AXDND1: variants seen among roughly 807,000 people sequenced by gnomAD.
AXDND1 encodes the protein axonemal dynein light chain domain-containing protein 1.
A neutral mutation model predicts 137.5 loss-of-function variants in AXDND1; 110 were observed. The ratio of observed to expected loss-of-function variants is 0.80; its 90% CI spans 0.69 to 0.94. AXDND1 has a LOEUF of 0.94. Among genes scored for constraint, AXDND1 ranks in the 40% least tolerant of loss-of-function variants. The probability of loss-of-function intolerance (pLI) is 0.00; values close to 1 mark genes in which losing one functional copy is unlikely to be tolerated. For missense variants in AXDND1, 1,191 were observed against 1,169.8 expected, an observed-to-expected ratio of 1.02 and a Z score of -0.26; for synonymous variants, 414 against 399.7, an observed-to-expected ratio of 1.04 and a Z score of -0.43.
Position 179,401,435 on chromosome 1 carries a change from C to T in AXDND1, c.1109+6233C>T, listed in dbSNP as rs191969392. 2.0e-3 allele frequency among the ~76,000 whole-genome samples: 310 copies of T among 152,260 alleles called. 1 individual carries two copies. Among genetic ancestry groups the T allele is most frequent in the South Asian group, 2.7e-3 (13 of 4,826 alleles). On this transcript the variant is annotated intron_variant, in intron 11 of 25. Coordinates refer to ENST00000367618, the MANE Select transcript of AXDND1 (RefSeq NM_144696.6). ...ATCTTGTTTTATATCTCTTTTAATA[C>T]AGCCTATTCCTGTGCTTTCTAAAAA...
intron 15 of AXDND1, among the ~76,000 whole-genome samples, chr1:179,435,492 C>T (rs12071134): frequency 0.12 from 17,579 of 152,046 alleles, 1,214 homozygotes; most frequent in East Asian, 0.35. Context: ...CCAAAACAGA[C>T]ATATAGACCA....
At chr1:179,484,681 C>A (rs1665822451) in intron 18 of AXDND1, among the ~76,000 whole-genome samples, 1 of 152,178 alleles carries the variant, frequency 6.6e-6, no homozygotes, top group South Asian at 2.1e-4. Flanking sequence ...CACCCATGAC[C>A]ACCCCCTACA....
chr1:179,388,275 ATAT>A (rs1376056945), intron 9 of AXDND1, among the ~76,000 whole-genome samples: 2 of 151,886 alleles, frequency 1.3e-5, no homozygotes, highest in Non-Finnish European at 2.9e-5. Context: ...ATTTCTTTTT[ATAT>A]TTCCTGTACC....
intron 17 of AXDND1, among the ~76,000 whole-genome samples, chr1:179,471,619 T>C (rs1230817927): frequency 3.9e-5 from 6 of 152,228 alleles, no homozygotes; most frequent in Non-Finnish European, 8.8e-5. Flanking sequence ...CTTAGCTAAA[T>C]GTTTGTTAAT....
intron 15 of AXDND1, 63 bp from the exon 16 acceptor site, chr1:179,444,907 G>A (rs2125366939): frequency 8.5e-7 from 1 of 1,173,796 alleles, no homozygotes; most frequent in Non-Finnish European, 1.2e-6. Flanking sequence ...TAAGCATCTG[G>A]TAGACTTTGA....
chr1:179,462,537 G>A (rs189460017), intron 16 of AXDND1, among the ~76,000 whole-genome samples: 6 of 152,240 alleles, frequency 3.9e-5, no homozygotes, highest in South Asian at 2.1e-4. Flanking sequence ...CCAGGCTTTG[G>A]TATCAGGATG....
At chr1:179,373,797 C>G (rs1273835313) in intron 4 of AXDND1, among the ~76,000 whole-genome samples, 1 of 152,072 alleles carries the variant, frequency 6.6e-6, no homozygotes, top group Non-Finnish European at 1.5e-5. Context: ...AAACTGGATC[C>G]CTTCCTTACA....
chr1:179,550,332 A>G (rs1043120056), intron 25 of AXDND1, among the ~76,000 whole-genome samples: 2 of 152,154 alleles, frequency 1.3e-5, no homozygotes, highest in Admixed American at 1.3e-4. Context: ...TCTGTATAAG[A>G]AAACAATATG....
chr1:179,491,649 G>A lies in AXDND1; in HGVS notation c.2203G>A (p.Glu735Lys), dbSNP rs754507990. Residue 735 changes from glutamate (E) to lysine (K), a missense_variant, in exon 19 of 26, where the codon GAG becomes AAG. Glu to Lys is a moderately conservative substitution (Grantham distance 56). Transcript: ENST00000367618. Reference protein sequence around the residue: ...CLLKLEEESAEKHDIGVARLE... With the variant: ...CLLKLEEESAKKHDIGVARLE... ...CCTAAAGTTGGAGGAGGAAAGTGCT[G>A]AGAAACATGATATAGGAGTTGCGCG... The A allele has an allele frequency of 2.5e-6, 4 of 1,613,776 alleles. No individual in the cohort carries two copies. In the South Asian group the frequency reaches 4.4e-5, roughly 18 times the overall value.
chr1:179,494,426 G>A (rs1667243162), intron 20 of AXDND1, among the ~76,000 whole-genome samples: 1 of 151,900 alleles, frequency 6.6e-6, no homozygotes, highest in African/African-American at 2.4e-5. Flanking sequence ...GACCCGTTTA[G>A]TATTGATTTG....
intron 11 of AXDND1, among the ~76,000 whole-genome samples, chr1:179,402,248 T>C (rs1375600354): frequency 6.6e-6 from 1 of 152,188 alleles, no homozygotes; most frequent in Admixed American, 6.5e-5. Context: ...TGAGATACTT[T>C]ATTCAATTTT....
chr1:179,447,656 C>T, intron 16 of AXDND1: 1 of 1,336,138 alleles, frequency 7.5e-7, no homozygotes, highest in South Asian at 1.2e-5. Context: ...TCTGGTTTTC[C>T]ACTGTTCATT....
Position 179,554,627 on chromosome 1 carries a change from C to G in AXDND1, c.*108C>G. 1 of 1,517,080 alleles carries G rather than the reference C, an allele frequency of 6.6e-7. No individual in the cohort carries two copies. The highest frequency in any genetic ancestry group is 1.1e-5 in the South Asian group (1 of 88,654). 94.0% of individuals were successfully genotyped at this position (1,517,080 alleles called of 1,614,324 possible). A position where few individuals can be genotyped will look rare whatever the true frequency, so the allele number is the denominator to read the frequency against. ...GCCATTGTTCTGTACTAAGGAACAA[C>G]ATTCCCTTTGAAAGGACATTATTTG... On this transcript the variant is annotated 3_prime_UTR_variant, in exon 26 of 26. Coordinates refer to ENST00000367618, the MANE Select transcript of AXDND1 (RefSeq NM_144696.6).
intron 11 of AXDND1, among the ~76,000 whole-genome samples, chr1:179,410,163 G>A (rs1364828800): frequency 6.6e-6 from 1 of 152,130 alleles, no homozygotes; most frequent in Non-Finnish European, 1.5e-5. Context: ...AATTCTTATT[G>A]CAAAGTCCTT....
chr1:179,440,897 A>ATG (rs1190100046), intron 15 of AXDND1, among the ~76,000 whole-genome samples: 1 of 152,228 alleles, frequency 6.6e-6, no homozygotes, highest in African/African-American at 2.4e-5. Context: ...TGAGCTCTAA[A>ATG]ACCTGAATGA....
At chr1:179,537,295 C>G (rs906082308) in intron 25 of AXDND1, among the ~76,000 whole-genome samples, 10 of 151,766 alleles carry the variant, frequency 6.6e-5, no homozygotes, top group African/African-American at 2.4e-4. Flanking sequence ...GCTGGGAATG[C>G]TTCCAGTTTT....
intron 4 of AXDND1, among the ~76,000 whole-genome samples, chr1:179,371,885 G>A (rs1473726012): frequency 6.6e-6 from 1 of 152,198 alleles, no homozygotes; most frequent in Non-Finnish European, 1.5e-5. Context: ...AGGGATTGCA[G>A]TCTTACAACT....
chr1:179,494,380 T>C (rs889572083), intron 20 of AXDND1, among the ~76,000 whole-genome samples: 3 of 152,210 alleles, frequency 2.0e-5, no homozygotes, highest in Non-Finnish European at 2.9e-5. Flanking sequence ...TTGTAATCCA[T>C]GTATTTTCTG....
At position 179,418,666 on chromosome 1, in the gene AXDND1, G is replaced by T. The variant is rs1349330682; in HGVS notation, c.1230+7400G>T. Among the ~76,000 whole-genome samples the T allele has an allele frequency of 5.0e-5, 7 of 141,302 alleles. 1 individual carries two copies. In the South Asian group the frequency reaches 1.1e-3, roughly 23 times the overall value. The allele number at this position is 141,302 out of a possible 152,430, so 92.7% of individuals were successfully genotyped here. ...GGACGGGGCGGCTGGCCGGGTGGGG[G>T]GCCGACACCACCACCTCCCTCCCGG... On this transcript the variant is annotated intron_variant, in intron 12 of 25. Transcript: ENST00000367618.
Sources: allele counts gnomAD v4.1 joint callset (sites outside exome capture counted in the v4.1 genomes callset), GRCh38; gene constraint gnomAD v4.1.1; transcripts MANE v1.5; gene names NCBI Gene and HGNC (gene_info 2026-07-23, HGNC 2026-07-21).